The following ERCC6 variants were observed in gnomAD, a reference collection of about 807,000 sequenced individuals.
The protein encoded by ERCC6 is ERCC excision repair 6, chromatin remodeling factor.
A neutral mutation model predicts 158.7 loss-of-function variants in ERCC6; 116 were observed. That is an observed-to-expected ratio of 0.73 (90% CI 0.63 to 0.85). ERCC6 has a LOEUF of 0.85. Ranked by LOEUF, ERCC6 falls within the 40% of genes least tolerant of loss-of-function variation. ERCC6 has a pLI of 0.00. For missense variants in ERCC6, 1,698 were observed against 1,799.4 expected (o/e 0.94, Z 1.02); for synonymous variants, 678 against 659.3 (o/e 1.03, Z -0.43).
rs1200267040 is a variant in ERCC6, at chr10:49,516,499, T to C, written c.1397+7534A>G. 3.1e-6 allele frequency: 5 copies of C among 1,614,182 alleles called. No homozygotes were observed. In the East Asian group the frequency reaches 1.1e-4, roughly 36 times the overall value. On this transcript the variant is annotated intron_variant, in intron 5 of 20. Transcript: ENST00000355832. The stretch of plus-strand genomic sequence containing the variant: ...CTAACCAGTACATTATGCACATCTG[T>C]TCTTTGTTCCCAAAACATACGCCTT...
Position 49,524,374 on chromosome 10 carries a change from C to T in ERCC6, c.1056G>A (p.Arg352=). The T allele has an allele frequency of 6.2e-7, 1 of 1,614,216 alleles. No individual in the cohort carries two copies. Among genetic ancestry groups the T allele is most frequent in the Non-Finnish European group, 8.5e-7 (1 of 1,180,032 alleles). ...GCCTCATGTCTGACTCCCAAGGTCTCCTTGCCTTTGGCAATCCCACTTTCC... is the reference window on the plus strand; with the variant it reads ...GCCTCATGTCTGACTCCCAAGGTCTTCTTGCCTTTGGCAATCCCACTTTCC... ...FQGKVGLPKA[R]RPWESDMRPE... is the part of the protein sequence containing the mutation. Residue 352 remains arginine (R), a synonymous_variant, in exon 5 of 21, where the codon AGG becomes AGA. Transcript: ENST00000355832.
intron 7 of ERCC6, 36 bp downstream of exon 7, chr10:49,500,502 G>A: frequency 1.2e-6 from 2 of 1,603,528 alleles, no homozygotes; most frequent in South Asian, 2.2e-5. Context: ...TATTAATTGA[G>A]CTCCACAGAC....
At chr10:49,474,383 T>C (rs1850838403) in intron 12 of ERCC6, 141 bp from the exon 13 acceptor site, 1 of 694,376 alleles carries the variant, frequency 1.4e-6, no homozygotes, top group Non-Finnish European at 2.5e-6. Context: ...AGTCACAGCA[T>C]TATCATGAGC....
rs1207287066 is a variant in ERCC6 at position 49,458,078 on chromosome 10, TAATTTG to T, written c.*731_*736del. The T allele has an allele frequency of 6.6e-6, 1 of 151,654 alleles. No homozygotes were observed. The highest frequency in any genetic ancestry group is 1.5e-5 in the Non-Finnish European group (1 of 68,076). The allele number at this position is 151,654 out of a possible 1,614,324, so 9.4% of individuals were successfully genotyped here. On this transcript the variant is annotated 3_prime_UTR_variant, in exon 21 of 21. Coordinates refer to ENST00000355832, the MANE Select transcript of ERCC6 (RefSeq NM_000124.4). ...GTTTTTATGTACCTACTTTTGGCTT[TAATTTG>T]ATTTTTTTTAATGATAACACATTTT...
rs117704592 is a variant in ERCC6 at position 49,533,380 on chromosome 10, G to A, written c.-14-402C>T. On this transcript the variant is annotated intron_variant, in intron 1 of 20. Transcript: ENST00000355832. ...ATATAGTGGCAAGATCAACTGTAAT[G>A]CATAGGAACAGCGATGTTAGGAAAG... is the stretch of plus-strand genomic sequence containing the variant. Among the ~76,000 whole-genome samples, 492 of 152,308 alleles carry A rather than the reference G, an allele frequency of 3.2e-3. 3 individuals are homozygous for A. Among genetic ancestry groups the A allele is most frequent in the Non-Finnish European group, 5.8e-3 (395 of 68,020 alleles).
rs901120235 is a variant in ERCC6 at position 49,479,351 on chromosome 10, G to C, written c.2170-881C>G. Among the ~76,000 whole-genome samples the C allele has an allele frequency of 1.2e-4, 18 of 152,240 alleles. No homozygotes were observed. In the East Asian group the frequency reaches 3.3e-3, roughly 28 times the overall value. On this transcript the variant is annotated intron_variant, in intron 10 of 20. Transcript: ENST00000355832. ...GAAAAAAAAGTTAAAAAATTAACTT[G>C]TTAAAAAATGTTCTTAAAGAACGCT...
intron 7 of ERCC6, among the ~76,000 whole-genome samples, chr10:49,495,483 T>C (rs982580916): frequency 6.6e-6 from 1 of 152,126 alleles, no homozygotes; most frequent in Non-Finnish European, 1.5e-5. Context: ...ATCTCACTAA[T>C]TCCCACAATT....
At position 49,532,565 on chromosome 10, in the gene ERCC6, G is replaced by C; in HGVS notation, c.400C>G (p.Arg134Gly). Residue 134 changes from arginine to glycine, a missense_variant, in exon 2 of 21, where the codon CGG (arginine) becomes GGG (glycine). Coordinates refer to ENST00000355832, the MANE Select transcript of ERCC6 (RefSeq NM_000124.4). ...CACGTGAGGTCATCCAGGACCGACC[G>C]ATACTCCTTCTCCACGTCAACGAGC... ...SQLVDVEKEY[R>G]SVLDDLTSCT... 1.2e-6 allele frequency: 2 copies of C among 1,614,120 alleles called. No individual in the cohort carries two copies. Among genetic ancestry groups the C allele is most frequent in the Non-Finnish European group, 1.7e-6 (2 of 1,180,042 alleles).
At chr10:49,461,085 C>T (rs770038439) in intron 19 of ERCC6, among the ~76,000 whole-genome samples, 7 of 152,144 alleles carry the variant, frequency 4.6e-5, no homozygotes, top group Non-Finnish European at 1.0e-4. Context: ...TATCCTGTAT[C>T]TCTTACTATT....
At chr10:49,467,081 C>T (rs1178772248) in intron 18 of ERCC6, among the ~76,000 whole-genome samples, 3 of 152,132 alleles carry the variant, frequency 2.0e-5, no homozygotes, top group East Asian at 1.9e-4. Context: ...CCCCACCTGT[C>T]GACTAGTATT....
In ERCC6 at chr10:49,515,428, G is replaced by A. The variant is rs747903426; in HGVS notation, c.1397+8605C>T. ...GTGTTCTTATGACATTCAGCGCATC[G>A]CGTTTGCTTTCCCTGTTTGACTATC... On this transcript the variant is annotated intron_variant, in intron 5 of 20. Coordinates refer to ENST00000355832, the MANE Select transcript of ERCC6 (RefSeq NM_000124.4). The A allele has an allele frequency of 5.6e-6, 9 of 1,613,968 alleles. No homozygotes were observed. The highest frequency in any genetic ancestry group is 2.2e-5 in the East Asian group (1 of 44,876).
intron 16 of ERCC6, among the ~76,000 whole-genome samples, chr10:49,471,633 C>T (rs1476509188): frequency 6.6e-6 from 1 of 152,138 alleles, no homozygotes; most frequent in Non-Finnish European, 1.5e-5. Flanking sequence ...CCACCCTGTC[C>T]CTCCCTGTCA....
chr10:49,525,065 A>T, intron 4 of ERCC6: 5 of 543,528 alleles, frequency 9.2e-6, no homozygotes, highest in Non-Finnish European at 1.5e-5. Context: ...TTACTGTATA[A>T]ATACAGTTAT....
At chr10:49,469,170 G>C (rs1366359145) in intron 18 of ERCC6, among the ~76,000 whole-genome samples, 1 of 152,166 alleles carries the variant, frequency 6.6e-6, no homozygotes, top group African/African-American at 2.4e-5. Flanking sequence ...TGAGAAACAG[G>C]ATATTTACAC....
At chr10:49,488,896 G>A (rs969666841) in intron 8 of ERCC6, among the ~76,000 whole-genome samples, 2 of 152,062 alleles carry the variant, frequency 1.3e-5, no homozygotes, top group Non-Finnish European at 2.9e-5. Context: ...CCATTCTCCT[G>A]CCTCAGCCTC....
At chr10:49,467,667 G>T (rs894322573) in intron 18 of ERCC6, among the ~76,000 whole-genome samples, 1 of 151,970 alleles carries the variant, frequency 6.6e-6, no homozygotes, top group Non-Finnish European at 1.5e-5. Context: ...CCAGGCTCGA[G>T]CAATCCTCCC....
the ERCC6 span, among the ~76,000 whole-genome samples, chr10:49,447,597 A>G: frequency 6.6e-6 from 1 of 151,982 alleles, no homozygotes; most frequent in African/African-American, 2.4e-5. Context: ...AGGCTGAGGC[A>G]GGAGGCCGAG....
chr10:49,439,021 G>A, the ERCC6 span, among the ~76,000 whole-genome samples: 1 of 152,196 alleles, frequency 6.6e-6, no homozygotes, highest in Non-Finnish European at 1.5e-5. Flanking sequence ...TTCATGGGCT[G>A]CCATTGTCTG....
At chr10:49,496,531 G>A (rs898187277) in intron 7 of ERCC6, among the ~76,000 whole-genome samples, 2 of 152,124 alleles carry the variant, frequency 1.3e-5, no homozygotes, top group African/African-American at 4.8e-5. Context: ...TTTTTGGCCG[G>A]GTACAGTGGC....
Sources: gnomAD v4.1 joint callset for allele counts (sites outside exome capture counted in the v4.1 genomes callset) on GRCh38, gnomAD v4.1.1 for gene constraint, MANE v1.5 for transcripts, NCBI Gene and HGNC (gene_info 2026-07-23, HGNC 2026-07-21) for gene names.